The following LRP1B variants were observed in gnomAD, a reference collection of about 807,000 sequenced individuals.
LRP1B encodes the protein low-density lipoprotein receptor-related protein 1B.
LRP1B carries 217 observed loss-of-function variants against 556.6 expected under a neutral mutation model. The observed-to-expected ratio is 0.39, with a 90% confidence interval of 0.35 to 0.44. LRP1B has a LOEUF of 0.44. Ranked by LOEUF, LRP1B falls within the 20% of genes least tolerant of loss-of-function variation. The pLI, the probability that LRP1B is intolerant of heterozygous loss-of-function variation, is 1.00. For synonymous variants in LRP1B, 2,047 were observed against 1,865.8 expected (o/e 1.10, Z -2.50); for missense variants, 5,053 against 5,620.8 (o/e 0.90, Z 3.23).
At chr2:141,615,168 G>A (rs1688248190) in intron 2 of LRP1B, among the ~76,000 whole-genome samples, 2 of 152,188 alleles carry the variant, frequency 1.3e-5, no homozygotes, top group African/African-American at 4.8e-5. Flanking sequence ...ACTTTGGAGA[G>A]GAAGGTAAAT....
chr2:140,606,623 T>G (rs926596241), intron 41 of LRP1B, among the ~76,000 whole-genome samples: 1 of 152,034 alleles, frequency 6.6e-6, no homozygotes, highest in African/African-American at 2.4e-5. Context: ...GTATAAAGTT[T>G]ATAGTAATAA....
intron 7 of LRP1B, among the ~76,000 whole-genome samples, chr2:141,063,904 T>C (rs541569726): frequency 6.6e-6 from 1 of 151,970 alleles, no homozygotes; most frequent in Non-Finnish European, 1.5e-5. Context: ...AGGTTCTGGC[T>C]ATCATGTGAT....
At chr2:140,455,133 A>T (rs2105319867) in intron 62 of LRP1B, among the ~76,000 whole-genome samples, 1 of 152,308 alleles carries the variant, frequency 6.6e-6, no homozygotes, top group African/African-American at 2.4e-5. Flanking sequence ...CTTTAATTTT[A>T]CCACTAGGAA....
chr2:140,426,247 C>A (rs1057175015), intron 66 of LRP1B, among the ~76,000 whole-genome samples: 5 of 152,140 alleles, frequency 3.3e-5, no homozygotes, highest in African/African-American at 9.7e-5. Context: ...TATTAAGAAT[C>A]ATTTGAAAAG....
intron 41 of LRP1B, among the ~76,000 whole-genome samples, chr2:140,645,500 C>T (rs549633804): frequency 1.4e-5 from 2 of 148,030 alleles, no homozygotes; most frequent in African/African-American, 5.0e-5. Flanking sequence ...TTCTATATTC[C>T]TCATATCTCT....
intron 5 of LRP1B, among the ~76,000 whole-genome samples, chr2:141,241,535 T>C (rs1007110603): frequency 2.0e-5 from 3 of 151,950 alleles, no homozygotes; most frequent in African/African-American, 4.8e-5. Context: ...CAGCCCGGAG[T>C]AACAGGACAA....
chr2:141,516,580 A>G lies in LRP1B; in HGVS notation c.206-36047T>C, dbSNP rs557383122. Among the ~76,000 whole-genome samples the G allele has an allele frequency of 3.3e-5, 5 of 152,204 alleles. No homozygotes were observed. In the South Asian group the frequency reaches 1.0e-3, roughly 32 times the overall value. On this transcript the variant is annotated intron_variant, in intron 2 of 90. Transcript: ENST00000389484. ...TAAACCTTGTTAAAAAATTTTACCC[A>G]GGAGTTTGAGGCTGCAGGGAGCCAT...
In LRP1B at chr2:141,119,163, C is replaced by T. The variant is rs529102655; in HGVS notation, c.1014-56890G>A. On this transcript the variant is annotated intron_variant, in intron 7 of 90. Coordinates refer to ENST00000389484, the MANE Select transcript of LRP1B (RefSeq NM_018557.3). ...TAACACAATTTTGAGATAATATAGA[C>T]GCCCTTGTTCAAAACCAGGAAACAT... Among the ~76,000 whole-genome samples, 23 of 151,942 alleles carry T rather than the reference C, an allele frequency of 1.5e-4. No individual in the cohort carries two copies. The South Asian group carries it at 3.1e-3, about 21-fold the overall frequency.
At chr2:140,947,334 C>A (rs2105295070) in intron 20 of LRP1B, among the ~76,000 whole-genome samples, 1 of 152,232 alleles carries the variant, frequency 6.6e-6, no homozygotes, top group South Asian at 2.1e-4. Context: ...TGTATTTCTA[C>A]CCTTTTGAAA....
intron 25 of LRP1B, among the ~76,000 whole-genome samples, chr2:140,874,505 G>T (rs1023673723): frequency 9.2e-5 from 14 of 151,852 alleles, no homozygotes; most frequent in African/African-American, 3.4e-4. Context: ...CAGTGCAGAA[G>T]GTCTTTTCTT....
At chr2:141,558,713 A>G (rs1559140356) in intron 2 of LRP1B, among the ~76,000 whole-genome samples, 1 of 151,792 alleles carries the variant, frequency 6.6e-6, no homozygotes, top group Non-Finnish European at 1.5e-5. Flanking sequence ...GCTGTAGACT[A>G]TGTTTACGCA....
chr2:140,323,827 ATTATT>A (rs992190197), intron 81 of LRP1B, 61 bp downstream of exon 81: 26 of 797,270 alleles, frequency 3.3e-5, no homozygotes, highest in African/African-American at 8.9e-5. Context: ...TTAAAAATAT[ATTATT>A]TTGAGAGATA....
At chr2:140,309,927 G>A (rs1488128570) in intron 83 of LRP1B, among the ~76,000 whole-genome samples, 1 of 116,610 alleles carries the variant, frequency 8.6e-6, no homozygotes, top group Non-Finnish European at 1.9e-5. Context: ...TCTAAATTTT[G>A]TTTTTTTATT....
rs540174484 is a variant in LRP1B, at chr2:140,847,402, C to T, written c.4939+2700G>A. ...ATTTCATTAGATCTTTCAGCTTGTA[C>T]AGATACATCCCTCTCATTCTGTGCT... On this transcript the variant is annotated intron_variant, in intron 29 of 90. Coordinates refer to ENST00000389484, the MANE Select transcript of LRP1B (RefSeq NM_018557.3). 3.3e-5 allele frequency among the ~76,000 whole-genome samples: 5 copies of T among 152,286 alleles called. No individual in the cohort carries two copies. In the East Asian group the frequency reaches 9.6e-4, roughly 29 times the overall value.
chr2:140,605,393 T>A (rs1298917848), intron 41 of LRP1B, among the ~76,000 whole-genome samples: 6 of 152,160 alleles, frequency 3.9e-5, no homozygotes, highest in Non-Finnish European at 1.5e-5. Flanking sequence ...GATCTGATGT[T>A]GAACTCTTTA....
At chr2:141,869,467 G>A (rs899936905) in intron 1 of LRP1B, among the ~76,000 whole-genome samples, 2 of 151,886 alleles carry the variant, frequency 1.3e-5, no homozygotes, top group South Asian at 2.1e-4. Flanking sequence ...AAATTAAATC[G>A]ATACTAATAT....
At chr2:140,416,060 G>T (rs751485232) in intron 66 of LRP1B, among the ~76,000 whole-genome samples, 1 of 152,134 alleles carries the variant, frequency 6.6e-6, no homozygotes, top group African/African-American at 2.4e-5. Flanking sequence ...GAACCAGGCC[G>T]CACAGCAGGA....
At chr2:141,714,666 A>G (rs766594815) in intron 2 of LRP1B, among the ~76,000 whole-genome samples, 6 of 152,160 alleles carry the variant, frequency 3.9e-5, no homozygotes, top group Non-Finnish European at 7.3e-5. Context: ...TTAGAAACGC[A>G]TGACCTGGCA....
At chr2:141,682,688 A>T (rs1691147180) in intron 2 of LRP1B, among the ~76,000 whole-genome samples, 1 of 152,128 alleles carries the variant, frequency 6.6e-6, no homozygotes, top group Non-Finnish European at 1.5e-5. Flanking sequence ...GCATTTGGGG[A>T]TAGAAGGGTT....
Sources: allele counts gnomAD v4.1 joint callset (sites outside exome capture counted in the v4.1 genomes callset), GRCh38; gene constraint gnomAD v4.1.1; transcripts MANE v1.5; gene names NCBI Gene and HGNC (gene_info 2026-07-23, HGNC 2026-07-21).